Variants in TRPC1 observed in about 807,000 individuals in gnomAD.
The protein encoded by TRPC1 is transient receptor potential cation channel subfamily C member 1.
In TRPC1, 42 loss-of-function variants were observed where a neutral mutation model predicts 88.2. That is an observed-to-expected ratio of 0.48 (90% confidence interval 0.37 to 0.62). The LOEUF is 0.62. Ranked by LOEUF, TRPC1 falls within the 20% of genes least tolerant of loss-of-function variation. The pLI is 0.00. For synonymous variants in TRPC1, 288 were observed against 331.8 expected, an observed-to-expected ratio of 0.87 and a Z score of 1.43; for missense variants, 699 against 957.3, an observed-to-expected ratio of 0.73 and a Z score of 3.56.
At chr3:142,749,834 A>G (rs1237382317) in intron 4 of TRPC1, among the ~76,000 whole-genome samples, 1 of 152,314 alleles carries the variant, frequency 6.6e-6, no homozygotes, top group Middle Eastern at 3.4e-3. Flanking sequence ...AGGATTCCCT[A>G]TTTAATAAAT....
chr3:142,777,871 A>C (rs1019336767), intron 5 of TRPC1, 108 bp downstream of exon 5: 2 of 1,214,858 alleles, frequency 1.6e-6, no homozygotes, highest in Non-Finnish European at 2.2e-6. Context: ...ATCCAAGAAC[A>C]CTACACCTTG....
intron 4 of TRPC1, among the ~76,000 whole-genome samples, chr3:142,757,894 A>G (rs1280285926): frequency 2.6e-5 from 4 of 152,148 alleles, no homozygotes; most frequent in Non-Finnish European, 4.4e-5. Context: ...CTGGCATGCA[A>G]TAGTGTAATA....
chr3:142,787,282 C>T (rs139664448), intron 7 of TRPC1, among the ~76,000 whole-genome samples: 4 of 152,178 alleles, frequency 2.6e-5, no homozygotes, highest in African/African-American at 9.6e-5. Context: ...GGCTTTTTTT[C>T]AGTATATAGA....
intron 4 of TRPC1, among the ~76,000 whole-genome samples, chr3:142,757,303 T>C (rs1935007222): frequency 6.6e-6 from 1 of 151,870 alleles, no homozygotes; most frequent in Non-Finnish European, 1.5e-5. Context: ...AAAAAAATTA[T>C]GTTTAAAATA....
chr3:142,784,080 G>T (rs756838413), intron 6 of TRPC1, among the ~76,000 whole-genome samples: 1 of 151,878 alleles, frequency 6.6e-6, no homozygotes, highest in East Asian at 1.9e-4. Flanking sequence ...TAAGAAATCC[G>T]CAGTGCTTTC....
At chr3:142,739,489 T>G (rs929234584) in intron 2 of TRPC1, among the ~76,000 whole-genome samples, 3 of 152,208 alleles carry the variant, frequency 2.0e-5, no homozygotes, top group Non-Finnish European at 2.9e-5. Context: ...CAGAGCCATG[T>G]GCAATGTATA....
At chr3:142,782,749 C>G (rs1052928952) in intron 6 of TRPC1, among the ~76,000 whole-genome samples, 1 of 152,140 alleles carries the variant, frequency 6.6e-6, no homozygotes, top group Non-Finnish European at 1.5e-5. Context: ...GAACTCACAA[C>G]AGGAACCAAG....
Position 142,804,150 on chromosome 3 carries a change from T to C in TRPC1, c.1931T>C (p.Met644Thr). 1 of 1,613,932 alleles carries C rather than the reference T, an allele frequency of 6.2e-7. No individual in the cohort carries two copies. Among genetic ancestry groups the C allele is most frequent in the Non-Finnish European group, 8.5e-7 (1 of 1,179,886 alleles). The change falls in exon 11 of 13, where the codon ATG becomes ACG. Residue 644 changes from methionine to threonine, a missense_variant. Physicochemically the swap from Met to Thr is moderately conservative, Grantham distance 81. Around this residue, in one of 4 missense-constraint regions of TRPC1, gnomAD observed 11 missense variants for 47.2 expected, o/e 0.23. Transcript: ENST00000476941. ...GTGCTTACCAAACTGCTGGTGGCAA[T>C]GCTTCATAAAAGCTTTCAGTTGATA... ...VIVLTKLLVA[M>T]LHKSFQLIAN...
At chr3:142,802,622 G>T (rs1321645116) in intron 10 of TRPC1, among the ~76,000 whole-genome samples, 3 of 151,952 alleles carry the variant, frequency 2.0e-5, no homozygotes, top group Admixed American at 6.6e-5. Flanking sequence ...AGCATTTTGA[G>T]CAATTCTTTG....
intron 6 of TRPC1, among the ~76,000 whole-genome samples, chr3:142,782,236 A>G (rs1051610091): frequency 2.0e-5 from 3 of 152,204 alleles, no homozygotes; most frequent in African/African-American, 7.2e-5. Context: ...CACAGAGTGG[A>G]GTCCAAATGG....
intron 7 of TRPC1, chr3:142,785,396 A>G (rs1936099160): frequency 5.8e-6 from 1 of 173,006 alleles, no homozygotes; most frequent in Non-Finnish European, 1.2e-5. Context: ...GTATTTTGAA[A>G]CAATCTATTT....
Position 142,780,939 on chromosome 3 carries a change from T to A in TRPC1, c.870T>A (p.Ser290=). The change falls in exon 6 of 13, where the codon TCT becomes TCA. Residue 290 remains serine (S), a synonymous_variant. Transcript: ENST00000476941. ...TGGAAGTTATTCTAAACCATACGTCTAGTGACGAGCCTCTTGACAAACGGG... is the reference window on the plus strand; with the variant it reads ...TGGAAGTTATTCTAAACCATACGTCAAGTGACGAGCCTCTTGACAAACGGG... ...RELEVILNHT[S]SDEPLDKRGL... 6.2e-7 allele frequency: 1 copy of A among 1,613,956 alleles called. No individual in the cohort carries two copies.
rs138611413 is a variant in TRPC1, at chr3:142,767,911, GTT to G, written c.633-9712_633-9711del. 6.0e-5 allele frequency among the ~76,000 whole-genome samples: 9 copies of G among 149,164 alleles called. No individual in the cohort carries two copies. Among genetic ancestry groups the G allele is most frequent in the African/African-American group, 1.7e-4 (7 of 41,056 alleles). The stretch of plus-strand genomic sequence containing the variant: ...TTTTATTGATGAATTGTGTGTGTAT[GTT>G]TTTTTTTTAACTTTTCTGATGGTAT... On this transcript the variant is annotated intron_variant, in intron 4 of 12. Coordinates refer to ENST00000476941, the MANE Select transcript of TRPC1 (RefSeq NM_001251845.2). The surrounding 1 kb of genome is among the most constrained non-coding windows in gnomAD (Gnocchi z 5.1).
chr3:142,735,682 A>T (rs936569320), intron 1 of TRPC1, among the ~76,000 whole-genome samples: 6 of 152,162 alleles, frequency 3.9e-5, no homozygotes, highest in Non-Finnish European at 8.8e-5. Flanking sequence ...GCCTGCTCCT[A>T]ACAGGTCAGG....
chr3:142,804,866 G>A (rs1272396623), intron 12 of TRPC1, among the ~76,000 whole-genome samples: 2 of 152,052 alleles, frequency 1.3e-5, no homozygotes, highest in African/African-American at 4.8e-5. Context: ...CAGCACTTTG[G>A]GAGGCTGAGG....
chr3:142,762,278 T>C (rs930207143), intron 4 of TRPC1, among the ~76,000 whole-genome samples: 43 of 152,086 alleles, frequency 2.8e-4, no homozygotes, highest in African/African-American at 9.4e-4. Context: ...TCAAGTGATC[T>C]GCCTGCCTTG....
intron 1 of TRPC1, among the ~76,000 whole-genome samples, chr3:142,730,606 G>GTTT (rs34841179): frequency 1.4e-5 from 2 of 142,386 alleles, no homozygotes; most frequent in Admixed American, 7.0e-5. Flanking sequence ...GTCTGCATGG[G>GTTT]TTTTTTTTTT....
At chr3:142,777,171 T>G (rs1298924192) in intron 4 of TRPC1, among the ~76,000 whole-genome samples, 2 of 151,942 alleles carry the variant, frequency 1.3e-5, no homozygotes, top group South Asian at 4.2e-4. Flanking sequence ...ATTAGCCTGG[T>G]GTAGTGGCAT....
intron 3 of TRPC1, among the ~76,000 whole-genome samples, chr3:142,745,809 G>C (rs1425912210): frequency 6.6e-6 from 1 of 151,762 alleles, no homozygotes; most frequent in Admixed American, 6.6e-5. Flanking sequence ...CCAGGCTGCA[G>C]TGCAATGGCG....
Sources: gnomAD v4.1 joint callset for allele counts (sites outside exome capture counted in the v4.1 genomes callset) on GRCh38, gnomAD v4.1.1 for gene constraint, gnomAD v4.1.1 regional missense constraint, Gnocchi (gnomAD v3.1) non-coding constraint, MANE v1.5 for transcripts, NCBI Gene and HGNC (gene_info 2026-07-23, HGNC 2026-07-21) for gene names.